The following FARSA variants were observed in gnomAD, a reference collection of about 807,000 sequenced individuals.
FARSA encodes the protein phenylalanyl-tRNA synthetase subunit alpha, also known as phenylalanine--tRNA ligase alpha subunit.
In FARSA, 37 loss-of-function variants were observed where a neutral mutation model predicts 63.2. That is an observed-to-expected ratio of 0.59 (90% CI 0.45 to 0.77). The LOEUF is 0.77. Ranked by LOEUF, FARSA falls within the 30% of genes least tolerant of loss-of-function variation. FARSA has a pLI of 0.00. For synonymous variants in FARSA, 312 were observed against 285.1 expected, an observed-to-expected ratio of 1.09 and a Z score of -0.95; for missense variants, 618 against 696.6, an observed-to-expected ratio of 0.89 and a Z score of 1.27.
At chr19:12,927,729 CAAAAAAAAAAAAA>C (rs71168636) in intron 7 of FARSA, among the ~76,000 whole-genome samples, 1 of 30,642 alleles carries the variant, frequency 3.3e-5, no homozygotes, top group Admixed American at 5.5e-4. Context: ...GAGACTGTCT[CAAAAAAAAAAAAA>C]AAAAAAAAAA....
At position 12,928,435 on chromosome 19, in the gene FARSA, T is replaced by C. The variant is rs1282941689; in HGVS notation, c.748A>G (p.Asn250Asp). 1.2e-6 allele frequency: 2 copies of C among 1,613,942 alleles called. No homozygotes were observed. Among genetic ancestry groups the C allele is most frequent in the South Asian group, 1.1e-5 (1 of 91,060 alleles). Residue 250 changes from asparagine (N) to aspartate (D), a missense_variant, in exon 7 of 13, where the codon AAC (asparagine) becomes GAC (aspartate). Physicochemically the swap from Asn to Asp is conservative, Grantham distance 23 (BLOSUM62 1). Transcript: ENST00000314606. The part of the protein sequence containing the change: ...EMGFTEMPTD[N>D]FIESSFWNFD... ...TTCCAGAAGGAGCTCTCAATGAAGT[T>C]ATCAGTCGGCATCTCGGTGAACCTG...
At chr19:12,923,025 T>G in intron 12 of FARSA, 139 bp from the exon 13 acceptor site, 1 of 1,059,280 alleles carries the variant, frequency 9.4e-7, no homozygotes, top group East Asian at 2.4e-5. Context: ...AACTGCTCTA[T>G]CACCTCTCAC....
At chr19:12,926,415 G>A (rs1971327384) in intron 7 of FARSA, among the ~76,000 whole-genome samples, 1 of 151,852 alleles carries the variant, frequency 6.6e-6, no homozygotes, top group Non-Finnish European at 1.5e-5. Flanking sequence ...GGGACTACAG[G>A]CGCCCGCCAC....
intron 4 of FARSA, among the ~76,000 whole-genome samples, chr19:12,929,489 G>A (rs951029967): frequency 7.9e-5 from 12 of 152,210 alleles, no homozygotes; most frequent in Non-Finnish European, 1.6e-4. Flanking sequence ...TTACAGGCAT[G>A]AGCCATCGTG....
At chr19:12,925,773 AAG>A (rs2145995344) in intron 7 of FARSA, among the ~76,000 whole-genome samples, 1 of 140,658 alleles carries the variant, frequency 7.1e-6, no homozygotes, top group East Asian at 2.2e-4. Flanking sequence ...TCCCAGGTTC[AAG>A]CAATTCTCCT....
At chr19:12,933,345 G>C in intron 1 of FARSA, 1 of 588,126 alleles carries the variant, frequency 1.7e-6, no homozygotes, top group Admixed American at 3.6e-5. Flanking sequence ...CGCTGACCGT[G>C]CCTCAATAAA....
rs200186198 is a variant in FARSA, at chr19:12,930,546, A to G, written c.286-19T>C. On this transcript the variant is annotated intron_variant, in intron 2 of 12. Transcript: ENST00000314606. ...GCAGTCGCTGGAAAAGAGAGGCTGC[A>G]GTGAGTGGGGCACGAGGGCCACCTT... is the stretch of plus-strand genomic sequence containing the variant. The G allele has an allele frequency of 1.6e-5, 25 of 1,611,876 alleles. No homozygotes were observed. The East Asian group carries it at 4.9e-4, about 32-fold the overall frequency.
rs1446639467 is a variant in FARSA at position 12,933,679 on chromosome 19, C to T, written c.18G>A (p.Val6=). Residue 6 remains valine, a synonymous_variant, in exon 1 of 13, where the codon GTG becomes GTA. Coordinates refer to ENST00000314606, the MANE Select transcript of FARSA (RefSeq NM_004461.3). MADGQ[V]AELLLRRLEA... is the part of the protein sequence containing the mutation. Reference sequence around the variant, plus strand: ...CCAGCCGCCGGAGCAGCAGTTCCGCCACCTGACCATCCGCCATGACTCCTT... The same window carrying T: ...CCAGCCGCCGGAGCAGCAGTTCCGCTACCTGACCATCCGCCATGACTCCTT... 1 of 1,570,938 alleles carries T rather than the reference C, an allele frequency of 6.4e-7. No individual in the cohort carries two copies. The highest frequency in any genetic ancestry group is 8.6e-7 in the Non-Finnish European group (1 of 1,162,426).
chr19:12,925,352 G>A (rs1971315045), intron 7 of FARSA, among the ~76,000 whole-genome samples, 178 bp from the exon 8 acceptor site: 1 of 151,734 alleles, frequency 6.6e-6, no homozygotes, highest in African/African-American at 2.4e-5. Context: ...ATTTGTGTGT[G>A]GCTTTTTTGG....
In FARSA at chr19:12,924,841, G is replaced by A. The variant is rs192239572; in HGVS notation, c.1027-34C>T. The A allele has an allele frequency of 7.4e-6, 12 of 1,613,638 alleles. No homozygotes were observed. Among genetic ancestry groups the A allele is most frequent in the African/African-American group, 1.3e-5 (1 of 75,056 alleles). ...GACAACCGAGCCAGGCCCAGGTATG[G>A]GTCAGAAGGTCCCTTTGACAGCACC... On this transcript the variant is annotated intron_variant, in intron 9 of 12. Transcript: ENST00000314606. The surrounding 1 kb of genome is among the most constrained non-coding windows in gnomAD (Gnocchi z 6.4).
At chr19:12,932,575 G>A (rs1971408944) in intron 1 of FARSA, among the ~76,000 whole-genome samples, 1 of 152,098 alleles carries the variant, frequency 6.6e-6, no homozygotes, top group Non-Finnish European at 1.5e-5. Context: ...TTATGTTACT[G>A]ACCATCAGTT....
intron 7 of FARSA, among the ~76,000 whole-genome samples, chr19:12,925,680 T>C (rs1367873573): frequency 1.3e-5 from 2 of 151,754 alleles, no homozygotes; most frequent in East Asian, 1.9e-4. Context: ...TACGTATGTA[T>C]GTATGTATTT....
At chr19:12,928,127 A>G (rs1283174887) in intron 7 of FARSA, among the ~76,000 whole-genome samples, 1 of 149,844 alleles carries the variant, frequency 6.7e-6, no homozygotes, top group Non-Finnish European at 1.5e-5. Context: ...TAATTTTTTT[A>G]GAGGTAGATT....
At chr19:12,931,531 G>A (rs1971395733) in intron 1 of FARSA, among the ~76,000 whole-genome samples, 2 of 152,136 alleles carry the variant, frequency 1.3e-5, no homozygotes, top group African/African-American at 2.4e-5. Context: ...AAAGTGCTAG[G>A]ATTACAGGCG....
Position 12,928,794 on chromosome 19 carries a change from G to A in FARSA, c.557C>T (p.Ser186Phe). 1 of 1,614,152 alleles carries A rather than the reference G, an allele frequency of 6.2e-7. No individual in the cohort carries two copies. Among genetic ancestry groups the A allele is most frequent in the Non-Finnish European group, 8.5e-7 (1 of 1,180,042 alleles). ...TGGGCTCAGCTCTGTCTCTTGCTTG[G>A]AGATGCTGGTACTAAAGGCACTGCC... ...SKGSAFSTSISKQETELSPEM... is the reference protein window; with the variant it reads ...SKGSAFSTSIFKQETELSPEM... The change falls in exon 5 of 13, where the codon TCC (serine) becomes TTC (phenylalanine). Residue 186 changes from serine (S) to phenylalanine (F), a missense_variant. By Grantham distance (155) the Ser-to-Phe change is radical (BLOSUM62 -2). Transcript: ENST00000314606.
chr19:12,930,939 T>C (rs1971387215), intron 1 of FARSA, among the ~76,000 whole-genome samples, 190 bp from the exon 2 acceptor site: 1 of 152,208 alleles, frequency 6.6e-6, no homozygotes, highest in Non-Finnish European at 1.5e-5. Context: ...ATTTCCCTTA[T>C]GTAACACAGG....
chr19:12,928,775 C>G lies in FARSA; in HGVS notation c.576G>C (p.Leu192=), dbSNP rs772590582. 30 of 1,614,002 alleles carry G rather than the reference C, an allele frequency of 1.9e-5. No individual in the cohort carries two copies. In the South Asian group the frequency reaches 2.7e-4, roughly 15 times the overall value. Residue 192 remains leucine (L), a synonymous_variant, in exon 5 of 13, where the codon CTG becomes CTC. Transcript: ENST00000314606. ...STSISKQETE[L]SPEMISSGSW... is the part of the protein sequence containing the mutation. Reference sequence around the variant, plus strand: ...GCTACCTGGAGATCATCTCTGGGCTCAGCTCTGTCTCTTGCTTGGAGATGC... The same window carrying G: ...GCTACCTGGAGATCATCTCTGGGCTGAGCTCTGTCTCTTGCTTGGAGATGC...
chr19:12,925,350 G>A (rs907872066), intron 7 of FARSA, among the ~76,000 whole-genome samples, 176 bp from the exon 8 acceptor site: 3 of 151,726 alleles, frequency 2.0e-5, no homozygotes, highest in African/African-American at 7.3e-5. Flanking sequence ...TCATTTGTGT[G>A]TGGCTTTTTT....
At chr19:12,928,909 TC>T (rs200976982) in intron 4 of FARSA, 62 bp from the exon 5 acceptor site, 18,615 of 1,439,746 alleles carry the variant, frequency 0.013, 178 homozygotes, top group African/African-American at 0.041. Flanking sequence ...TTCCTTGATC[TC>T]CCGTCTGATG....
Sources: allele counts gnomAD v4.1 joint callset (sites outside exome capture counted in the v4.1 genomes callset), GRCh38; gene constraint gnomAD v4.1.1; non-coding constraint Gnocchi (gnomAD v3.1); transcripts MANE v1.5; gene names NCBI Gene and HGNC (gene_info 2026-07-23, HGNC 2026-07-21).